RBMS3: variants seen among roughly 807,000 people sequenced by gnomAD.
The protein encoded by RBMS3 is RNA-binding motif, single-stranded-interacting protein 3.
In RBMS3, 27 loss-of-function variants were observed where a neutral mutation model predicts 66.8. The observed-to-expected ratio is 0.40, with a 90% CI of 0.30 to 0.56. The LOEUF is 0.56. Among genes scored for constraint, RBMS3 ranks in the 20% least tolerant of loss-of-function variants. The probability of loss-of-function intolerance (pLI) is 0.40; values close to 1 mark genes in which losing one functional copy is unlikely to be tolerated. For missense variants in RBMS3, 513 were observed against 549.5 expected (o/e 0.93, Z 0.66); for synonymous variants, 188 against 183.0 (o/e 1.03, Z -0.22).
intron 12 of RBMS3, among the ~76,000 whole-genome samples, chr3:29,962,329 G>A (rs73829211): frequency 0.012 from 1,752 of 151,662 alleles, 40 homozygotes; most frequent in African/African-American, 0.04. Flanking sequence ...ATGTGTATCC[G>A]CTATGGAATA....
intron 12 of RBMS3, 189 bp from the exon 13 acceptor site, chr3:29,987,954 G>A (rs1698542941): frequency 1.9e-6 from 1 of 535,700 alleles, no homozygotes; most frequent in South Asian, 2.3e-5. Flanking sequence ...GCTACTGTGG[G>A]TACTTAATCA....
intron 1 of RBMS3, among the ~76,000 whole-genome samples, chr3:29,313,411 G>C (rs2034494666): frequency 6.6e-6 from 1 of 151,728 alleles, no homozygotes. Flanking sequence ...AGAGTCACTT[G>C]CATGTCCATG....
intron 6 of RBMS3, among the ~76,000 whole-genome samples, chr3:29,861,797 C>T (rs1183046801): frequency 1.3e-5 from 2 of 152,198 alleles, no homozygotes; most frequent in East Asian, 3.8e-4. Context: ...AAATACTCCA[C>T]TAAGCAAGCA....
At chr3:29,408,010 C>T (rs56290304) in intron 1 of RBMS3, among the ~76,000 whole-genome samples, 3,862 of 152,190 alleles carry the variant, frequency 0.025, 65 homozygotes, top group East Asian at 0.038. Flanking sequence ...CGGTGACTCA[C>T]GCCTGTAATC....
rs187365091 is a variant in RBMS3, at chr3:29,573,530, A to G, written c.308-13584A>G. On this transcript the variant is annotated intron_variant, in intron 3 of 14. Coordinates refer to ENST00000383767, the MANE Select transcript of RBMS3 (RefSeq NM_001003793.3). ...TATCTTTTCAAAAAGCAAATGTTTC[A>G]TCTATCTTTTGTATTATTTTCTTTG... Among the ~76,000 whole-genome samples, 33 of 152,090 alleles carry G rather than the reference A, an allele frequency of 2.2e-4. No homozygotes were observed. In the East Asian group the frequency reaches 4.4e-3, roughly 20 times the overall value.
chr3:29,743,228 C>A (rs2054720038), intron 5 of RBMS3, among the ~76,000 whole-genome samples: 1 of 152,184 alleles, frequency 6.6e-6, no homozygotes, highest in South Asian at 2.1e-4. Context: ...TGATCATTCA[C>A]AACTTAATTC....
At chr3:29,445,539 T>C (rs9813713) in intron 2 of RBMS3, among the ~76,000 whole-genome samples, 63,434 of 151,882 alleles carry the variant, frequency 0.42, 13,463 homozygotes, top group South Asian at 0.46. Context: ...GAATGGTGTT[T>C]GCTGAATTTT....
intron 1 of RBMS3, among the ~76,000 whole-genome samples, chr3:29,305,470 C>T (rs1324129842): frequency 6.6e-6 from 1 of 151,864 alleles, no homozygotes. Context: ...ACCAGCTGCC[C>T]CTCAGGTTTA....
intron 4 of RBMS3, among the ~76,000 whole-genome samples, chr3:29,658,125 A>G (rs187542997): frequency 6.6e-5 from 10 of 152,308 alleles, no homozygotes; most frequent in Admixed American, 5.9e-4. Context: ...CCTGTTTTGT[A>G]AAGGGAAGAT....
intron 2 of RBMS3, among the ~76,000 whole-genome samples, chr3:29,450,682 T>C (rs1339668758): frequency 6.6e-6 from 1 of 151,998 alleles, no homozygotes; most frequent in East Asian, 1.9e-4. Context: ...TTCATAGGGG[T>C]AACTTTTAAA....
At chr3:29,736,944 G>A (rs888348128) in intron 4 of RBMS3, among the ~76,000 whole-genome samples, 5 of 151,972 alleles carry the variant, frequency 3.3e-5, no homozygotes, top group Non-Finnish European at 5.9e-5. Context: ...TCTATTTATG[G>A]CAAGTAATAC....
intron 1 of RBMS3, among the ~76,000 whole-genome samples, chr3:29,373,153 G>T (rs892922013): frequency 3.3e-5 from 5 of 152,226 alleles, no homozygotes; most frequent in Non-Finnish European, 5.9e-5. Context: ...CCACATGCAT[G>T]TGGTGGTGAT....
At chr3:29,319,603 ATAT>A (rs1181908696) in intron 1 of RBMS3, among the ~76,000 whole-genome samples, 2 of 151,996 alleles carry the variant, frequency 1.3e-5, no homozygotes, top group African/African-American at 4.8e-5. Context: ...ATGTCTATAG[ATAT>A]TATTCTCATC....
intron 4 of RBMS3, among the ~76,000 whole-genome samples, chr3:29,706,959 G>A (rs1034484943): frequency 6.6e-6 from 1 of 152,174 alleles, no homozygotes; most frequent in Non-Finnish European, 1.5e-5. Flanking sequence ...ACACAATCCT[G>A]AGGTCTTAGA....
intron 6 of RBMS3, among the ~76,000 whole-genome samples, chr3:29,847,640 GTTTTATTTTTTTTT>G (rs2058814725): frequency 6.7e-6 from 1 of 148,308 alleles, no homozygotes; most frequent in African/African-American, 2.6e-5. Flanking sequence ...CCAATTTTGT[GTTTTATTTTTTTTT>G]TTTTATTTTT....
In RBMS3 at chr3:29,286,592, T is replaced by C. The variant is rs1225993311; in HGVS notation, c.75+4836T>C. The stretch of plus-strand genomic sequence containing the variant: ...CACAAAATTATAGCACAAAATTATT[T>C]CCATGAAGTAATAAAATGTATCTGA... On this transcript the variant is annotated intron_variant, in intron 1 of 14. Transcript: ENST00000383767. Among the ~76,000 whole-genome samples, 8 of 152,242 alleles carry C rather than the reference T, an allele frequency of 5.3e-5. No individual in the cohort carries two copies. The Middle Eastern group carries it at 0.01, about 194-fold the overall frequency.
intron 1 of RBMS3, among the ~76,000 whole-genome samples, chr3:29,367,056 T>A (rs542552877): frequency 3.3e-5 from 5 of 152,162 alleles, no homozygotes; most frequent in Admixed American, 6.6e-5. Flanking sequence ...ACTACAAATT[T>A]GTATATAACA....
In RBMS3 at chr3:29,957,739, T is replaced by C. The variant is rs531243745; in HGVS notation, c.1098+13485T>C. On this transcript the variant is annotated intron_variant, in intron 12 of 14. Coordinates refer to ENST00000383767, the MANE Select transcript of RBMS3 (RefSeq NM_001003793.3). Reference sequence around the variant, plus strand: ...ATATTCATTTATCTTACTAACATCCTCATAATTGATTCCCCAGTGTCACCT... The same window carrying C: ...ATATTCATTTATCTTACTAACATCCCCATAATTGATTCCCCAGTGTCACCT... Among the ~76,000 whole-genome samples, 7 of 152,334 alleles carry C rather than the reference T, an allele frequency of 4.6e-5. No homozygotes were observed. The South Asian group carries it at 1.4e-3, about 32-fold the overall frequency.
intron 12 of RBMS3, among the ~76,000 whole-genome samples, chr3:29,973,960 A>G (rs1047969034): frequency 2.0e-5 from 3 of 151,834 alleles, no homozygotes; most frequent in African/African-American, 7.2e-5. Flanking sequence ...GATAGTAATC[A>G]CTGTCTTTCC....
Sources: allele counts gnomAD v4.1 joint callset (sites outside exome capture counted in the v4.1 genomes callset), GRCh38; gene constraint gnomAD v4.1.1; transcripts MANE v1.5; gene names NCBI Gene and HGNC (gene_info 2026-07-23, HGNC 2026-07-21).